The following PEAK1 variants were observed in gnomAD, a reference collection of about 807,000 sequenced individuals.
PEAK1 encodes the protein pseudopodium enriched atypical kinase 1, also known as inactive tyrosine-protein kinase PEAK1.
PEAK1 carries 54 observed loss-of-function variants against 124.7 expected under a neutral mutation model. That is an observed-to-expected ratio of 0.43 (90% CI 0.35 to 0.54). The LOEUF (loss-of-function observed/expected upper bound fraction) is 0.54. Ranked by LOEUF, PEAK1 falls within the 20% of genes least tolerant of loss-of-function variation. PEAK1 has a pLI of 0.01. For missense variants in PEAK1, 2,046 were observed against 2,134.5 expected (o/e 0.96, Z 0.82); for synonymous variants, 719 against 760.0 (o/e 0.95, Z 0.89).
intron 2 of PEAK1, among the ~76,000 whole-genome samples, chr15:77,328,583 C>G (rs1273905339): frequency 6.6e-6 from 1 of 152,118 alleles, no homozygotes; most frequent in Non-Finnish European, 1.5e-5. Flanking sequence ...TAGAGGAACA[C>G]TGTAAGAAAT....
intron 2 of PEAK1, among the ~76,000 whole-genome samples, chr15:77,364,705 T>C (rs756303299): frequency 2.6e-5 from 4 of 152,216 alleles, no homozygotes; most frequent in Non-Finnish European, 5.9e-5. Flanking sequence ...TATTAACCTA[T>C]ATCCTTATTA....
At chr15:77,267,022 C>A (rs2061774220) in intron 5 of PEAK1, among the ~76,000 whole-genome samples, 1 of 152,086 alleles carries the variant, frequency 6.6e-6, no homozygotes, top group African/African-American at 2.4e-5. Context: ...GTGGGACCAG[C>A]CTTTTGGGCA....
At chr15:77,293,058 C>G (rs1418282468) in intron 2 of PEAK1, among the ~76,000 whole-genome samples, 1 of 152,200 alleles carries the variant, frequency 6.6e-6, no homozygotes, top group African/African-American at 2.4e-5. Flanking sequence ...CACATCTATT[C>G]AAGTCATTCT....
rs191245394 is a variant in PEAK1 at position 77,228,911 on chromosome 15, A to G, written c.-115+23456T>C. ...AGGTCCTTCATTTGACAGTCTGAAC[A>G]GCATTACTCTCCTCTAGAAGACTTA... is the stretch of plus-strand genomic sequence containing the variant. On this transcript the variant is annotated intron_variant, in intron 6 of 9. Transcript: ENST00000682557. Among the ~76,000 whole-genome samples, 144 of 152,312 alleles carry G rather than the reference A, an allele frequency of 9.5e-4. 1 individual carries two copies. The highest frequency in any genetic ancestry group is 3.4e-3 in the African/African-American group (141 of 41,578).
chr15:77,409,033 T>C (rs949887707), intron 1 of PEAK1, among the ~76,000 whole-genome samples: 1 of 152,162 alleles, frequency 6.6e-6, no homozygotes. Flanking sequence ...ATCATGCCAC[T>C]GCACTCCAGC....
intron 5 of PEAK1, among the ~76,000 whole-genome samples, chr15:77,281,585 T>C (rs998196259): frequency 1.3e-5 from 2 of 152,176 alleles, no homozygotes; most frequent in African/African-American, 2.4e-5. Flanking sequence ...CAACTTTTCA[T>C]TTAAATTTTT....
Position 77,140,648 on chromosome 15 carries a change from G to T in PEAK1, c.3332-6898C>A, listed in dbSNP as rs528388387. Reference sequence around the variant, plus strand: ...TAAAAGAGCTAACATCATACTTAATGATAAAAGACTGGAAATTTCTCCTGT... The same window carrying T: ...TAAAAGAGCTAACATCATACTTAATTATAAAAGACTGGAAATTTCTCCTGT... On this transcript the variant is annotated intron_variant, in intron 8 of 9. Transcript: ENST00000682557. Among the ~76,000 whole-genome samples, 80 of 151,976 alleles carry T rather than the reference G, an allele frequency of 5.3e-4. No individual in the cohort carries two copies. The South Asian group carries it at 0.017, about 32-fold the overall frequency.
At chr15:77,414,203 CCT>C (rs1490854783) in intron 1 of PEAK1, among the ~76,000 whole-genome samples, 49 of 137,206 alleles carry the variant, frequency 3.6e-4, no homozygotes, top group Admixed American at 5.1e-4. Flanking sequence ...TTCCTTCTTT[CCT>C]TCTTTTTTTT....
rs548633031 is a variant in PEAK1 at position 77,410,282 on chromosome 15, C to T, written c.-666+9724G>A. 5.3e-5 allele frequency among the ~76,000 whole-genome samples: 8 copies of T among 152,150 alleles called. No homozygotes were observed. The South Asian group carries it at 6.2e-4, about 12-fold the overall frequency. The stretch of plus-strand genomic sequence containing the variant: ...CCGGGATTACAGGCATGCGCCACCA[C>T]GCCCAGCTAATTTTGTATTTTTAGT... On this transcript the variant is annotated intron_variant, in intron 1 of 9. Transcript: ENST00000682557.
At chr15:77,347,890 T>G in intron 2 of PEAK1, 17 of 978,594 alleles carry the variant, frequency 1.7e-5, no homozygotes, top group Non-Finnish European at 2.1e-5. Context: ...ATATACCTAC[T>G]AAAAAAAAAG....
At chr15:77,371,493 G>T in intron 1 of PEAK1, 1 of 970,922 alleles carries the variant, frequency 1.0e-6, no homozygotes, top group Non-Finnish European at 1.2e-6. Flanking sequence ...AGCCTTTGTT[G>T]TAACACTACA....
Position 77,320,584 on chromosome 15 carries a change from G to T in PEAK1, c.-602-34080C>A, listed in dbSNP as rs141064164. 4.3e-3 allele frequency among the ~76,000 whole-genome samples: 652 copies of T among 152,208 alleles called. 1 individual carries two copies. The highest frequency in any genetic ancestry group is 0.013 in the African/African-American group (557 of 41,526). On this transcript the variant is annotated intron_variant, in intron 2 of 9. Coordinates refer to ENST00000682557, the MANE Select transcript of PEAK1 (RefSeq NM_001385026.1). ...TGTTTTTCGTATCTGGGAGTTAAAT[G>T]ACCTTATCTAGAGCAGCTAACTGAG...
At chr15:77,236,981 C>T (rs1048018571) in intron 6 of PEAK1, among the ~76,000 whole-genome samples, 14 of 152,148 alleles carry the variant, frequency 9.2e-5, no homozygotes, top group Admixed American at 8.5e-4. Context: ...TGAGGTCTTC[C>T]CAGCCATGTG....
At chr15:77,321,683 G>T (rs533632873) in intron 2 of PEAK1, among the ~76,000 whole-genome samples, 1 of 152,066 alleles carries the variant, frequency 6.6e-6, no homozygotes, top group Admixed American at 6.6e-5. Flanking sequence ...TGTCAATTTC[G>T]GCTTTTGTTG....
At chr15:77,120,175 T>G (rs1047457147) in intron 9 of PEAK1, among the ~76,000 whole-genome samples, 2 of 152,230 alleles carry the variant, frequency 1.3e-5, no homozygotes, top group Non-Finnish European at 2.9e-5. Flanking sequence ...TGCTGGTGTT[T>G]GGAGTGCCTG....
At chr15:77,309,047 C>A (rs2064272611) in intron 2 of PEAK1, among the ~76,000 whole-genome samples, 1 of 152,028 alleles carries the variant, frequency 6.6e-6, no homozygotes, top group Non-Finnish European at 1.5e-5. Context: ...GGAGCATATT[C>A]CTTTTCCCAT....
intron 2 of PEAK1, among the ~76,000 whole-genome samples, chr15:77,329,497 G>A (rs1278733994): frequency 6.6e-6 from 1 of 152,102 alleles, no homozygotes; most frequent in African/African-American, 2.4e-5. Flanking sequence ...AGCATGCTCT[G>A]GACCACTAGA....
chr15:77,391,530 A>G (rs890487528), intron 1 of PEAK1, among the ~76,000 whole-genome samples: 2 of 149,142 alleles, frequency 1.3e-5, no homozygotes, highest in Non-Finnish European at 3.0e-5. Context: ...ACACCAGGCC[A>G]GACTACTGCA....
At chr15:77,219,567 A>G (rs1049257201) in intron 6 of PEAK1, among the ~76,000 whole-genome samples, 5 of 152,134 alleles carry the variant, frequency 3.3e-5, no homozygotes, top group African/African-American at 1.2e-4. Context: ...AATCAACCTT[A>G]TATCTCAAAT....
Sources: allele counts gnomAD v4.1 joint callset (sites outside exome capture counted in the v4.1 genomes callset), GRCh38; gene constraint gnomAD v4.1.1; transcripts MANE v1.5; gene names NCBI Gene and HGNC (gene_info 2026-07-23, HGNC 2026-07-21).